Variants in NRG3 observed in about 807,000 individuals in gnomAD.
The protein encoded by NRG3 is neuregulin 3.
NRG3 carries 31 observed loss-of-function variants against 66.9 expected under a neutral mutation model. The ratio of observed to expected loss-of-function variants is 0.46; its 90% CI spans 0.35 to 0.63. The LOEUF (loss-of-function observed/expected upper bound fraction) is 0.63, where lower values mean the gene tolerates loss of function less well. NRG3 is among the 20% of genes least tolerant of loss of function. The pLI is 0.00. For missense variants in NRG3, 910 were observed against 878.9 expected, an observed-to-expected ratio of 1.04 and a Z score of -0.45; for synonymous variants, 393 against 359.4, an observed-to-expected ratio of 1.09 and a Z score of -1.06.
chr10:82,213,441 G>A (rs1205522092), intron 1 of NRG3, among the ~76,000 whole-genome samples: 1 of 152,080 alleles, frequency 6.6e-6, no homozygotes, highest in Non-Finnish European at 1.5e-5. Context: ...GTATAAGGTG[G>A]ATATGAAACA....
At chr10:82,170,849 T>TTGA (rs1222564068) in intron 1 of NRG3, among the ~76,000 whole-genome samples, 2 of 151,052 alleles carry the variant, frequency 1.3e-5, no homozygotes, top group Admixed American at 1.3e-4. Flanking sequence ...TCACCCCCAA[T>TTGA]TGATATTCCA....
At chr10:82,002,654 AATAATGTTAAATATT>A (rs2061218466) in intron 1 of NRG3, among the ~76,000 whole-genome samples, 1 of 152,158 alleles carries the variant, frequency 6.6e-6, no homozygotes, top group Non-Finnish European at 1.5e-5. Context: ...TAGTGTGGAT[AATAATGTTAAATATT>A]ATATGGTTTT....
intron 1 of NRG3, among the ~76,000 whole-genome samples, chr10:82,314,743 G>C (rs1329232929): frequency 2.0e-5 from 3 of 152,194 alleles, no homozygotes; most frequent in Admixed American, 2.0e-4. Context: ...TGGGGAGGCA[G>C]AGCTTTCAGT....
At chr10:81,917,328 C>T (rs1354575297) in intron 1 of NRG3, among the ~76,000 whole-genome samples, 1 of 152,154 alleles carries the variant, frequency 6.6e-6, no homozygotes, top group African/African-American at 2.4e-5. Flanking sequence ...ATAACCTTCT[C>T]TTTTGATTAT....
At chr10:82,558,290 C>T (rs1241669631) in intron 2 of NRG3, among the ~76,000 whole-genome samples, 1 of 152,142 alleles carries the variant, frequency 6.6e-6, no homozygotes, top group African/African-American at 2.4e-5. Flanking sequence ...GTGCCTATTG[C>T]CTGAATTACC....
intron 4 of NRG3, among the ~76,000 whole-genome samples, chr10:82,875,695 A>G (rs993054122): frequency 5.9e-5 from 9 of 152,116 alleles, no homozygotes; most frequent in African/African-American, 2.2e-4. Flanking sequence ...CTGTTGGTTT[A>G]TTTTAACATG....
At chr10:82,868,929 T>C (rs1841028247) in intron 4 of NRG3, among the ~76,000 whole-genome samples, 1 of 152,110 alleles carries the variant, frequency 6.6e-6, no homozygotes. Context: ...TGACCTCAAG[T>C]GATCTGCCCT....
At chr10:81,960,585 T>C (rs73306566) in intron 1 of NRG3, among the ~76,000 whole-genome samples, 1,944 of 151,958 alleles carry the variant, frequency 0.013, 50 homozygotes, top group African/African-American at 0.045. Context: ...AGAATTTGTC[T>C]GTTCCACTTA....
At chr10:82,815,761 C>A (rs189616549) in intron 3 of NRG3, among the ~76,000 whole-genome samples, 208 of 152,262 alleles carry the variant, frequency 1.4e-3, no homozygotes, top group Non-Finnish European at 2.3e-3. Flanking sequence ...CCCACTTCAC[C>A]TGGCAGGCTG....
chr10:82,166,867 G>T, intron 1 of NRG3: 1 of 624,126 alleles, frequency 1.6e-6, no homozygotes, highest in South Asian at 1.9e-5. Context: ...ATTACTGAAA[G>T]GTATTTTTTT....
chr10:82,316,543 A>G (rs529077684), intron 1 of NRG3, among the ~76,000 whole-genome samples: 1 of 152,214 alleles, frequency 6.6e-6, no homozygotes, highest in African/African-American at 2.4e-5. Flanking sequence ...GGTAAAATGA[A>G]GGGGTGGGAC....
chr10:82,466,444 G>A (rs1840683815), intron 2 of NRG3, among the ~76,000 whole-genome samples: 2 of 152,160 alleles, frequency 1.3e-5, no homozygotes, highest in Admixed American at 1.3e-4. Context: ...TCTAGTGGAA[G>A]CTGACTCCTC....
At chr10:82,482,684 C>A (rs1177599130) in intron 2 of NRG3, among the ~76,000 whole-genome samples, 2 of 152,126 alleles carry the variant, frequency 1.3e-5, no homozygotes, top group Non-Finnish European at 2.9e-5. Context: ...TGAGGGCCAG[C>A]CGCCTATTAT....
intron 2 of NRG3, among the ~76,000 whole-genome samples, chr10:82,464,081 G>C (rs923253017): frequency 6.6e-5 from 10 of 152,138 alleles, no homozygotes; most frequent in African/African-American, 2.2e-4. Context: ...TTATGAATCA[G>C]GTGGGGAAAT....
At chr10:82,162,372 G>A (rs549660092) in intron 1 of NRG3, among the ~76,000 whole-genome samples, 32 of 152,144 alleles carry the variant, frequency 2.1e-4, no homozygotes, top group Non-Finnish European at 4.0e-4. Flanking sequence ...TTGCTGGGCA[G>A]TTGAACATTA....
intron 1 of NRG3, among the ~76,000 whole-genome samples, chr10:82,032,318 A>C (rs2062607008): frequency 6.6e-6 from 1 of 152,092 alleles, no homozygotes; most frequent in Non-Finnish European, 1.5e-5. Flanking sequence ...TTCTCTAACT[A>C]GAAAAGAGAG....
intron 2 of NRG3, among the ~76,000 whole-genome samples, chr10:82,442,725 C>T (rs1207047845): frequency 7.7e-6 from 1 of 129,270 alleles, no homozygotes; most frequent in Non-Finnish European, 1.6e-5. Context: ...TTATCAGAAA[C>T]AAAAAGTAAA....
At chr10:82,939,423 T>C (rs7089822) in intron 4 of NRG3, among the ~76,000 whole-genome samples, 70,564 of 151,846 alleles carry the variant, frequency 0.46, 17,239 homozygotes, top group East Asian at 0.65. Flanking sequence ...TTATTTCAGT[T>C]TTTCCTTTGT....
intron 1 of NRG3, among the ~76,000 whole-genome samples, chr10:82,324,310 T>G (rs1204996702): frequency 7.9e-5 from 12 of 152,226 alleles, no homozygotes; most frequent in Non-Finnish European, 1.8e-4. Flanking sequence ...TCTACTTTTT[T>G]CCCTACCCTC....
Sources: allele counts gnomAD v4.1 joint callset (sites outside exome capture counted in the v4.1 genomes callset), GRCh38; gene constraint gnomAD v4.1.1; transcripts MANE v1.5; gene names NCBI Gene and HGNC (gene_info 2026-07-23, HGNC 2026-07-21).